Variants in MRPL1 observed in about 807,000 individuals in gnomAD.
MRPL1 encodes the protein mitochondrial ribosomal protein L1.
MRPL1 carries 28 observed loss-of-function variants against 38.0 expected under a neutral mutation model. The ratio of observed to expected loss-of-function variants is 0.74; its 90% confidence interval spans 0.55 to 1.01. The LOEUF (loss-of-function observed/expected upper bound fraction) is 1.01, where lower values mean the gene tolerates loss of function less well. MRPL1 is among the 50% of genes least tolerant of loss of function. MRPL1 has a pLI of 0.00. For synonymous variants in MRPL1, 123 were observed against 126.7 expected (o/e 0.97, Z 0.20); for missense variants, 358 against 389.8 (o/e 0.92, Z 0.69).
At chr4:77,870,052 C>T (rs570389909) in intron 1 of MRPL1, among the ~76,000 whole-genome samples, 141 of 152,052 alleles carry the variant, frequency 9.3e-4, no homozygotes, top group African/African-American at 2.9e-3. Context: ...AGCTGTGCAC[C>T]GTCGCTAATT....
rs1737367403 is a variant in MRPL1 at position 77,949,879 on chromosome 4, G to A, written c.859+1G>A. On this transcript the variant is annotated splice_donor_variant, in intron 8 of 8. Coordinates refer to ENST00000315567, the MANE Select transcript of MRPL1 (RefSeq NM_020236.4). LOFTEE classifies it high-confidence loss of function. ...TGTAGGCACAGACCGCTGAATTTGGGTAAGTGGTTTGCTGAGGGTAGACTT... is the reference window on the plus strand; with the variant it reads ...TGTAGGCACAGACCGCTGAATTTGGATAAGTGGTTTGCTGAGGGTAGACTT... 1 of 1,602,728 alleles carries A rather than the reference G, an allele frequency of 6.2e-7. No individual in the cohort carries two copies. The highest frequency in any genetic ancestry group is 8.5e-7 in the Non-Finnish European group (1 of 1,172,922).
In MRPL1 at chr4:77,952,569, G is replaced by C. The variant is rs781601834; in HGVS notation, c.940G>C (p.Glu314Gln). The change falls in exon 9 of 9, where the codon GAA (glutamate) becomes CAA (glutamine). Residue 314 changes from glutamate to glutamine, a missense_variant. Transcript: ENST00000315567. ...GAAGATTGATCCATTGTTGCCTAAA[G>C]AAGTAAAAAATGAAGAAAGTGAAAA... ...LLKIDPLLPK[E>Q]VKNEESEKED... 4 of 1,612,334 alleles carry C rather than the reference G, an allele frequency of 2.5e-6. No individual in the cohort carries two copies.
chr4:77,901,588 T>C (rs368150140), intron 6 of MRPL1, among the ~76,000 whole-genome samples: 2 of 151,844 alleles, frequency 1.3e-5, no homozygotes, highest in South Asian at 4.2e-4. Flanking sequence ...CATTAGAGAG[T>C]TGGATTCTAT....
chr4:77,937,024 C>A (rs1313258167), intron 7 of MRPL1, among the ~76,000 whole-genome samples: 2 of 151,766 alleles, frequency 1.3e-5, no homozygotes, highest in African/African-American at 4.8e-5. Flanking sequence ...ACTTGAGAGG[C>A]TGAGATAGGA....
intron 2 of MRPL1, among the ~76,000 whole-genome samples, chr4:77,872,862 C>G (rs536499144): frequency 1.4e-4 from 22 of 151,948 alleles, no homozygotes; most frequent in African/African-American, 5.3e-4. Flanking sequence ...GACTCCATCT[C>G]AAAACAAAAA....
At chr4:77,918,335 G>T (rs1458083438) in intron 7 of MRPL1, among the ~76,000 whole-genome samples, 1 of 152,122 alleles carries the variant, frequency 6.6e-6, no homozygotes, top group Non-Finnish European at 1.5e-5. Flanking sequence ...GTTTAAATTG[G>T]TTTTCAGCTC....
chr4:77,951,450 A>G (rs1034214475), intron 8 of MRPL1, among the ~76,000 whole-genome samples: 2 of 152,220 alleles, frequency 1.3e-5, no homozygotes, highest in Non-Finnish European at 2.9e-5. Context: ...CTAATATTCT[A>G]GAGTACAACT....
intron 2 of MRPL1, among the ~76,000 whole-genome samples, chr4:77,874,476 A>G (rs1484288790): frequency 6.6e-6 from 1 of 152,192 alleles, no homozygotes; most frequent in African/African-American, 2.4e-5. Context: ...TCATGCATAT[A>G]GATCCTGTCA....
chr4:77,928,602 T>C (rs1736771212), intron 7 of MRPL1, among the ~76,000 whole-genome samples: 1 of 152,180 alleles, frequency 6.6e-6, no homozygotes, highest in Non-Finnish European at 1.5e-5. Flanking sequence ...GGAAGTAGGC[T>C]GGCAATAGAT....
intron 5 of MRPL1, among the ~76,000 whole-genome samples, chr4:77,893,474 G>A (rs765818322): frequency 1.2e-4 from 18 of 151,784 alleles, no homozygotes; most frequent in Non-Finnish European, 1.9e-4. Context: ...TATTGTAGTA[G>A]TATAATAGTT....
intron 7 of MRPL1, among the ~76,000 whole-genome samples, chr4:77,936,752 A>G (rs1385386500): frequency 6.6e-6 from 1 of 152,170 alleles, no homozygotes; most frequent in African/African-American, 2.4e-5. Flanking sequence ...TAAATATTCT[A>G]ATGAACATAA....
intron 2 of MRPL1, among the ~76,000 whole-genome samples, chr4:77,878,957 G>C (rs1485527618): frequency 6.6e-6 from 1 of 152,174 alleles, no homozygotes; most frequent in East Asian, 1.9e-4. Context: ...TGAGACAGGG[G>C]AAAAGTTATT....
At chr4:77,880,648 G>A (rs191934327) in intron 2 of MRPL1, among the ~76,000 whole-genome samples, 51 of 152,250 alleles carry the variant, frequency 3.3e-4, no homozygotes, top group African/African-American at 1.1e-3. Context: ...TTTATGGTTA[G>A]AAGAGTACAG....
Position 77,948,971 on chromosome 4 carries a change from G to A in MRPL1, c.778-826G>A, listed in dbSNP as rs528679996. 1.1e-3 allele frequency among the ~76,000 whole-genome samples: 174 copies of A among 152,054 alleles called. 1 individual carries two copies. Among genetic ancestry groups the A allele is most frequent in the African/African-American group, 4.1e-3 (171 of 41,500 alleles). On this transcript the variant is annotated intron_variant, in intron 7 of 8. Coordinates refer to ENST00000315567, the MANE Select transcript of MRPL1 (RefSeq NM_020236.4). ...TTTTTAGTAGAGACAGGGTTTCACC[G>A]TGTTGGCCAGGCAGGTCTCAAACTC... is the stretch of plus-strand genomic sequence containing the variant.
chr4:77,876,816 C>G (rs1298583835), intron 2 of MRPL1, among the ~76,000 whole-genome samples: 4 of 152,018 alleles, frequency 2.6e-5, no homozygotes, highest in African/African-American at 9.7e-5. Context: ...AGTAGCAGAT[C>G]CTGATTTTTA....
intron 1 of MRPL1, among the ~76,000 whole-genome samples, chr4:77,866,571 G>A (rs955152176): frequency 1.3e-5 from 2 of 152,070 alleles, no homozygotes; most frequent in Admixed American, 6.6e-5. Context: ...TGACCTCTCT[G>A]ACCTCTTCTC....
intron 7 of MRPL1, among the ~76,000 whole-genome samples, chr4:77,921,500 A>T (rs1683497721): frequency 6.6e-6 from 1 of 152,136 alleles, no homozygotes. Context: ...TTGAGACAGG[A>T]GGCAGCAAGT....
intron 7 of MRPL1, among the ~76,000 whole-genome samples, chr4:77,936,547 C>T (rs1046445442): frequency 2.0e-5 from 3 of 152,190 alleles, no homozygotes; most frequent in Non-Finnish European, 4.4e-5. Flanking sequence ...AGCTCTCCAC[C>T]TGTTTTTGTA....
chr4:77,913,876 A>G (rs938604618), intron 7 of MRPL1, among the ~76,000 whole-genome samples: 2 of 152,236 alleles, frequency 1.3e-5, no homozygotes, highest in South Asian at 2.1e-4. Context: ...CACATCCTGT[A>G]TGATTCTTTT....
Sources: gnomAD v4.1 joint callset for allele counts (sites outside exome capture counted in the v4.1 genomes callset) on GRCh38, gnomAD v4.1.1 for gene constraint, MANE v1.5 for transcripts, NCBI Gene and HGNC (gene_info 2026-07-23, HGNC 2026-07-21) for gene names.